Variants in NF2 observed in about 807,000 individuals in gnomAD.
NF2 encodes the protein merlin.
In NF2, 8 loss-of-function variants were observed where a neutral mutation model predicts 83.7. The ratio of observed to expected loss-of-function variants is 0.10; its 90% CI spans 0.06 to 0.17. The LOEUF (loss-of-function observed/expected upper bound fraction) is 0.17. Among genes scored for constraint, NF2 ranks in the 10% least tolerant of loss-of-function variants. The pLI, the probability that NF2 is intolerant of heterozygous loss-of-function variation, is 1.00. For missense variants in NF2, 533 were observed against 744.4 expected, an observed-to-expected ratio of 0.72 and a Z score of 3.31; for synonymous variants, 266 against 269.6, an observed-to-expected ratio of 0.99 and a Z score of 0.13.
At chr22:29,689,436 C>T (rs941632512) in intron 15 of NF2, among the ~76,000 whole-genome samples, 9 of 151,982 alleles carry the variant, frequency 5.9e-5, no homozygotes, top group Non-Finnish European at 7.4e-5. Flanking sequence ...CTCCCCCGCT[C>T]CTTCGTTTTC....
intron 12 of NF2, 109 bp from the exon 13 acceptor site, chr22:29,674,727 G>T: frequency 1.1e-6 from 1 of 871,970 alleles, no homozygotes; most frequent in South Asian, 1.4e-5. Flanking sequence ...ACCTCTTTGG[G>T]TGCCATCCTC....
At chr22:29,658,038 A>G in intron 6 of NF2, 151 bp from the exon 7 acceptor site, 2 of 713,652 alleles carry the variant, frequency 2.8e-6, no homozygotes. Context: ...AGGGCCGGGC[A>G]GAGCTTTGCT....
chr22:29,670,855 C>T (rs2066762613), intron 10 of NF2, among the ~76,000 whole-genome samples: 1 of 152,158 alleles, frequency 6.6e-6, no homozygotes, highest in Non-Finnish European at 1.5e-5. Context: ...TCCCGCCTGG[C>T]TCCCTCCTGT....
At chr22:29,678,926 A>G (rs2067047838) in intron 14 of NF2, among the ~76,000 whole-genome samples, 1 of 152,220 alleles carries the variant, frequency 6.6e-6, no homozygotes, top group East Asian at 1.9e-4. Flanking sequence ...AAGGATCCCC[A>G]CTGCAGAGGA....
chr22:29,665,200 G>A (rs2147034492), intron 9 of NF2, 136 bp downstream of exon 9: 1 of 750,428 alleles, frequency 1.3e-6, no homozygotes, highest in Non-Finnish European at 2.3e-6. Context: ...TTTCTGTTTA[G>A]CTTAAAGAGT....
chr22:29,674,783 T>C (rs566364982), intron 12 of NF2, 53 bp from the exon 13 acceptor site: 32 of 1,516,512 alleles, frequency 2.1e-5, no homozygotes, highest in Non-Finnish European at 2.9e-5. Flanking sequence ...GTGGTGTCTT[T>C]TCCTGCTACC....
chr22:29,675,038 C>A, intron 13 of NF2, 97 bp downstream of exon 13: 1 of 1,015,468 alleles, frequency 9.8e-7, no homozygotes, highest in Non-Finnish European at 1.5e-6. Context: ...TTCAGGGTGA[C>A]CATTCAGGCA....
intron 1 of NF2, among the ~76,000 whole-genome samples, chr22:29,623,190 C>T (rs1364044850): frequency 6.6e-6 from 1 of 152,088 alleles, no homozygotes; most frequent in Non-Finnish European, 1.5e-5. Flanking sequence ...AGCGATCCTT[C>T]CGCCTCAGCC....
At chr22:29,641,311 T>G (rs988795782) in intron 3 of NF2, among the ~76,000 whole-genome samples, 7 of 152,208 alleles carry the variant, frequency 4.6e-5, no homozygotes, top group Non-Finnish European at 8.8e-5. Flanking sequence ...TGTTTGAACG[T>G]AAACACCTAA....
At chr22:29,621,625 CA>C (rs1440679160) in intron 1 of NF2, among the ~76,000 whole-genome samples, 8 of 151,908 alleles carry the variant, frequency 5.3e-5, no homozygotes, top group African/African-American at 2.4e-5. Context: ...TTCCTGATTG[CA>C]CCACTGCACT....
intron 1 of NF2, among the ~76,000 whole-genome samples, chr22:29,621,408 C>T (rs570524642): frequency 3.9e-5 from 6 of 152,254 alleles, no homozygotes; most frequent in East Asian, 1.9e-4. Context: ...TGGTAAAGTA[C>T]GTAGAATAGT....
chr22:29,681,643 TC>T (rs747927937), intron 15 of NF2, 42 bp downstream of exon 15: 1 of 1,612,286 alleles, frequency 6.2e-7, no homozygotes, highest in Admixed American at 1.7e-5. Flanking sequence ...ATCAGGACCA[TC>T]ATTAATGAAA....
chr22:29,672,244 C>T (rs1426339829), intron 11 of NF2, among the ~76,000 whole-genome samples: 1 of 151,876 alleles, frequency 6.6e-6, no homozygotes, highest in Non-Finnish European at 1.5e-5. Flanking sequence ...AACTAGATCC[C>T]AGTAGCAGCA....
chr22:29,697,987 T>C lies in NF2; in HGVS notation c.*3185T>C, dbSNP rs2067600298. ...TCATTACGAGCCCTTCTGCTGGCTCTCAGGCAGAAGCCCCACAGCACCGGG... is the reference window on the plus strand; with the variant it reads ...TCATTACGAGCCCTTCTGCTGGCTCCCAGGCAGAAGCCCCACAGCACCGGG... On this transcript the variant is annotated 3_prime_UTR_variant, in exon 16 of 16. Transcript: ENST00000338641. 4.4e-6 allele frequency: 1 copy of C among 227,624 alleles called. No homozygotes were observed. The highest frequency in any genetic ancestry group is 8.7e-6 in the Non-Finnish European group (1 of 114,490). 14.1% of individuals were successfully genotyped at this position (227,624 alleles called of 1,614,324 possible).
chr22:29,606,425 A>G (rs1194240203), intron 1 of NF2, among the ~76,000 whole-genome samples: 1 of 152,234 alleles, frequency 6.6e-6, no homozygotes, highest in East Asian at 1.9e-4. Flanking sequence ...CTCAGTTCCT[A>G]GAGTGAGGGT....
chr22:29,633,178 A>G (rs1189271263), intron 1 of NF2, among the ~76,000 whole-genome samples: 2 of 152,242 alleles, frequency 1.3e-5, no homozygotes, highest in African/African-American at 2.4e-5. Flanking sequence ...TTGCTTAAAG[A>G]CAAAATTTTA....
At chr22:29,617,729 A>G (rs1037321906) in intron 1 of NF2, among the ~76,000 whole-genome samples, 2 of 152,206 alleles carry the variant, frequency 1.3e-5, no homozygotes, top group Non-Finnish European at 2.9e-5. Context: ...GTTCTGATTC[A>G]GTAGTTCTGG....
chr22:29,682,550 A>G (rs1260394004), intron 15 of NF2, among the ~76,000 whole-genome samples: 1 of 152,202 alleles, frequency 6.6e-6, no homozygotes. Flanking sequence ...AATTCCTTTT[A>G]ATAGTGCAAC....
intron 13 of NF2, among the ~76,000 whole-genome samples, chr22:29,675,384 A>G (rs1189137637): frequency 1.3e-5 from 2 of 152,150 alleles, no homozygotes; most frequent in African/African-American, 2.4e-5. Flanking sequence ...AGCCACTCTC[A>G]GTTTGGGGAC....
Sources: allele counts gnomAD v4.1 joint callset (sites outside exome capture counted in the v4.1 genomes callset), GRCh38; gene constraint gnomAD v4.1.1; transcripts MANE v1.5; gene names NCBI Gene and HGNC (gene_info 2026-07-23, HGNC 2026-07-21).